The following ATXN7 variants were observed in gnomAD, a reference collection of about 807,000 sequenced individuals.
The protein encoded by ATXN7 is ataxin-7.
ATXN7 carries 12 observed loss-of-function variants against 70.5 expected under a neutral mutation model. The observed-to-expected ratio is 0.17, with a 90% CI of 0.11 to 0.28. The LOEUF (loss-of-function observed/expected upper bound fraction) is 0.28. Ranked by LOEUF, ATXN7 falls within the 10% of genes least tolerant of loss-of-function variation. ATXN7 has a pLI of 1.00. For missense variants in ATXN7, 1,256 were observed against 1,131.7 expected, an observed-to-expected ratio of 1.11 and a Z score of -1.58; for synonymous variants, 498 against 448.7, an observed-to-expected ratio of 1.11 and a Z score of -1.39.
At chr3:63,952,258 T>A (rs2074967852) in intron 4 of ATXN7, 121 bp from the exon 5 acceptor site, 1 of 574,350 alleles carries the variant, frequency 1.7e-6, no homozygotes, top group Admixed American at 3.6e-5. Context: ...GTGTACCACA[T>A]CAGTTCATTT....
chr3:63,918,816 C>G (rs1575894334), intron 4 of ATXN7, among the ~76,000 whole-genome samples: 1 of 152,150 alleles, frequency 6.6e-6, no homozygotes, highest in South Asian at 2.1e-4. Context: ...AATCCAAGTT[C>G]CCTGCCTCAG....
intron 5 of ATXN7, among the ~76,000 whole-genome samples, chr3:63,953,927 C>T (rs1056838680): frequency 1.3e-5 from 2 of 152,160 alleles, no homozygotes; most frequent in Admixed American, 1.3e-4. Flanking sequence ...GGATTACAGG[C>T]ATGAGCCACG....
rs1198572442 is a variant in ATXN7, at chr3:64,003,094, T to C, written c.*3627T>C. ...GAAAAAATATTCTTAAAAGTTTGTT[T>C]AGCAGAAAATAATCACTTTTACATT... On this transcript the variant is annotated 3_prime_UTR_variant, in exon 13 of 13. Coordinates refer to ENST00000674280, the MANE Select transcript of ATXN7 (RefSeq NM_001377405.1). 2 of 152,124 alleles carry C rather than the reference T, an allele frequency of 1.3e-5. No individual in the cohort carries two copies. The highest frequency in any genetic ancestry group is 2.9e-5 in the Non-Finnish European group (2 of 68,038). 9.4% of individuals were successfully genotyped at this position (152,124 alleles called of 1,614,324 possible).
chr3:63,900,991 C>T (rs1163101143), intron 2 of ATXN7: 2 of 152,168 alleles, frequency 1.3e-5, no homozygotes, highest in African/African-American at 4.8e-5. Context: ...AGATTGTAGG[C>T]CCGATATCTG....
At chr3:63,883,159 TA>T (rs1287808675) in intron 1 of ATXN7, among the ~76,000 whole-genome samples, 1 of 152,198 alleles carries the variant, frequency 6.6e-6, no homozygotes, top group Non-Finnish European at 1.5e-5. Flanking sequence ...TTTTTCTCAT[TA>T]TTGGATTAAT....
chr3:63,884,439 T>A (rs892348982), intron 1 of ATXN7, among the ~76,000 whole-genome samples: 6 of 152,128 alleles, frequency 3.9e-5, no homozygotes, highest in African/African-American at 1.4e-4. Context: ...GTATATATAT[T>A]TTTAAAGGCT....
At chr3:63,972,832 C>T (rs1030110112) in intron 5 of ATXN7, among the ~76,000 whole-genome samples, 1 of 152,166 alleles carries the variant, frequency 6.6e-6, no homozygotes, top group Non-Finnish European at 1.5e-5. Context: ...AGATAACTTA[C>T]AGTAAAGAGG....
At chr3:63,876,857 C>T (rs906692515) in intron 1 of ATXN7, among the ~76,000 whole-genome samples, 2 of 152,124 alleles carry the variant, frequency 1.3e-5, no homozygotes, top group Admixed American at 6.6e-5. Context: ...CATATAACTG[C>T]ATATGATATC....
chr3:63,974,324 A>G (rs1441697951), intron 5 of ATXN7, among the ~76,000 whole-genome samples: 1 of 152,256 alleles, frequency 6.6e-6, no homozygotes, highest in African/African-American at 2.4e-5. Context: ...TGTTCAGCCT[A>G]TGCAGACTTG....
chr3:63,943,275 G>T (rs2074800601), intron 4 of ATXN7, among the ~76,000 whole-genome samples: 1 of 152,232 alleles, frequency 6.6e-6, no homozygotes, highest in African/African-American at 2.4e-5. Flanking sequence ...AGAGTTCGAA[G>T]AGAGCAGTGT....
In ATXN7 at chr3:63,951,591, T is replaced by TAGA. The variant is rs1283528898; in HGVS notation, c.395-788_395-787insAGA. On this transcript the variant is annotated intron_variant, in intron 4 of 12. Transcript: ENST00000674280. ...GATTCTGGATCTGAACTTTTAGCTC[T>TAGA]GTTCCCCAAATTGTTGTTCATAATT... 1.4e-4 allele frequency among the ~76,000 whole-genome samples: 22 copies of TAGA among 152,376 alleles called. 1 individual carries two copies. In the South Asian group the frequency reaches 4.3e-3, roughly 30 times the overall value.
chr3:63,906,379 G>T (rs1703840260), intron 2 of ATXN7, among the ~76,000 whole-genome samples: 1 of 152,196 alleles, frequency 6.6e-6, no homozygotes, highest in South Asian at 2.1e-4. Flanking sequence ...CACCTGCATT[G>T]TTCGTCCTAG....
At chr3:63,975,721 T>C (rs2075379122) in intron 5 of ATXN7, among the ~76,000 whole-genome samples, 1 of 152,174 alleles carries the variant, frequency 6.6e-6, no homozygotes, top group Admixed American at 6.5e-5. Flanking sequence ...ATTGGTTGCA[T>C]TCTATTTTGG....
intron 5 of ATXN7, among the ~76,000 whole-genome samples, chr3:63,954,381 C>T (rs1314414564): frequency 6.6e-6 from 1 of 152,178 alleles, no homozygotes; most frequent in African/African-American, 2.4e-5. Context: ...ATGTGCTGCA[C>T]GAGTCACCAT....
chr3:63,884,269 ACTCTCT>A (rs376194776), intron 1 of ATXN7, among the ~76,000 whole-genome samples: 6 of 149,868 alleles, frequency 4.0e-5, no homozygotes, highest in Non-Finnish European at 8.9e-5. Flanking sequence ...ACACTCATTC[ACTCTCT>A]CTCTCTCCAC....
chr3:64,002,536 A>G lies in ATXN7; in HGVS notation c.*3069A>G, dbSNP rs2075844813. 1 of 152,112 alleles carries G rather than the reference A, an allele frequency of 6.6e-6. No individual in the cohort carries two copies. Among genetic ancestry groups the G allele is most frequent in the Non-Finnish European group, 1.5e-5 (1 of 68,010 alleles). 9.4% of individuals were successfully genotyped at this position (152,112 alleles called of 1,614,324 possible). A position where few individuals can be genotyped will look rare whatever the true frequency, so the allele number is the denominator to read the frequency against. ...CTGTGCGTGTGTGTGTATACTCAGC[A>G]CATGTATGTTACTATGTGATGTGGT... On this transcript the variant is annotated 3_prime_UTR_variant, in exon 13 of 13. Coordinates refer to ENST00000674280, the MANE Select transcript of ATXN7 (RefSeq NM_001377405.1).
At chr3:63,939,280 A>G (rs17069507) in intron 4 of ATXN7, among the ~76,000 whole-genome samples, 14,365 of 152,134 alleles carry the variant, frequency 0.094, 949 homozygotes, top group East Asian at 0.27. Flanking sequence ...TATCCAGGCT[A>G]TTACAAAGTC....
At chr3:63,888,232 A>G (rs1029604360) in intron 1 of ATXN7, among the ~76,000 whole-genome samples, 4 of 152,192 alleles carry the variant, frequency 2.6e-5, no homozygotes, top group African/African-American at 9.6e-5. Flanking sequence ...TTATAATTCA[A>G]CATGGTTTTG....
At chr3:63,918,076 T>TGATGACAG (rs1214013619) in intron 4 of ATXN7, among the ~76,000 whole-genome samples, 1 of 152,188 alleles carries the variant, frequency 6.6e-6, no homozygotes, top group Non-Finnish European at 1.5e-5. Flanking sequence ...TGTCCACACT[T>TGATGACAG]GATGACAGGT....
Sources: gnomAD v4.1 joint callset for allele counts (sites outside exome capture counted in the v4.1 genomes callset) on GRCh38, gnomAD v4.1.1 for gene constraint, MANE v1.5 for transcripts, NCBI Gene and HGNC (gene_info 2026-07-23, HGNC 2026-07-21) for gene names.